The following NRXN1 variants were observed in gnomAD, a reference collection of about 807,000 sequenced individuals.
NRXN1 encodes the protein neurexin 1, also known as neurexin-1.
Under a neutral mutation model 150.9 loss-of-function variants are expected in NRXN1, and 39 were observed. The observed-to-expected ratio is 0.26, with a 90% CI of 0.20 to 0.34. NRXN1 has a LOEUF of 0.34. Among genes scored for constraint, NRXN1 ranks in the 10% least tolerant of loss-of-function variants. The probability of loss-of-function intolerance (pLI) is 1.00; values close to 1 mark genes in which losing one functional copy is unlikely to be tolerated. For missense variants in NRXN1, 1,815 were observed against 1,949.9 expected (o/e 0.93, Z 1.30); for synonymous variants, 924 against 757.0 (o/e 1.22, Z -3.62).
intron 2 of NRXN1, among the ~76,000 whole-genome samples, chr2:51,006,573 A>G (rs1438910558): frequency 1.3e-5 from 2 of 151,820 alleles, no homozygotes; most frequent in African/African-American, 4.8e-5. Flanking sequence ...AAGACCTACC[A>G]TTTGAGCAAC....
chr2:50,285,390 C>A (rs2072009580), intron 17 of NRXN1, among the ~76,000 whole-genome samples: 1 of 152,152 alleles, frequency 6.6e-6, no homozygotes, highest in Non-Finnish European at 1.5e-5. Context: ...GACAGGAGGC[C>A]ATTCCATAGC....
intron 21 of NRXN1, among the ~76,000 whole-genome samples, chr2:49,976,922 A>T (rs1019213232): frequency 2.0e-5 from 3 of 152,230 alleles, no homozygotes; most frequent in African/African-American, 7.2e-5. Context: ...CAATTAGCAA[A>T]AAGTGGCCAA....
intron 5 of NRXN1, among the ~76,000 whole-genome samples, chr2:50,690,017 G>C (rs938017750): frequency 1.3e-5 from 2 of 151,970 alleles, no homozygotes; most frequent in Non-Finnish European, 2.9e-5. Context: ...CCTGGGAGTA[G>C]GTGGGATTAC....
intron 2 of NRXN1, among the ~76,000 whole-genome samples, chr2:50,960,307 ATCCC>A (rs374864367): frequency 2.0e-5 from 3 of 150,598 alleles, no homozygotes; most frequent in Admixed American, 6.6e-5. Flanking sequence ...TTCTCTCCTC[ATCCC>A]TCCCTCCCTC....
intron 17 of NRXN1, among the ~76,000 whole-genome samples, chr2:50,264,223 A>C (rs1262846794): frequency 6.6e-6 from 1 of 152,118 alleles, no homozygotes; most frequent in African/African-American, 2.4e-5. Flanking sequence ...ACAGTGAAAC[A>C]GCTCTCTACT....
intron 21 of NRXN1, among the ~76,000 whole-genome samples, chr2:50,046,847 G>A (rs1374632865): frequency 6.6e-6 from 1 of 152,132 alleles, no homozygotes; most frequent in Non-Finnish European, 1.5e-5. Flanking sequence ...ATCTGATCAT[G>A]TTAGGTGTCC....
chr2:50,906,948 G>A (rs1574894124), intron 5 of NRXN1, among the ~76,000 whole-genome samples: 1 of 151,896 alleles, frequency 6.6e-6, no homozygotes, highest in South Asian at 2.1e-4. Context: ...CAGAAACAAG[G>A]TCTCTGACCT....
chr2:50,410,342 G>C (rs1331560675), intron 17 of NRXN1, among the ~76,000 whole-genome samples: 1 of 152,044 alleles, frequency 6.6e-6, no homozygotes, highest in Non-Finnish European at 1.5e-5. Flanking sequence ...TATTGTTTTT[G>C]TTTTCTAAAA....
At chr2:50,068,075 T>C (rs1031263527) in intron 19 of NRXN1, among the ~76,000 whole-genome samples, 40 of 152,346 alleles carry the variant, frequency 2.6e-4, no homozygotes, top group African/African-American at 9.6e-4. Flanking sequence ...AGTTCCCTAT[T>C]CTCAAGTGGA....
chr2:50,315,564 C>T (rs554243516), intron 17 of NRXN1, among the ~76,000 whole-genome samples: 4 of 152,096 alleles, frequency 2.6e-5, no homozygotes, highest in African/African-American at 9.7e-5. Context: ...CCAGCCCACA[C>T]GGTGATCCAA....
At chr2:51,020,070 A>G (rs1460127462) in intron 2 of NRXN1, among the ~76,000 whole-genome samples, 3 of 150,728 alleles carry the variant, frequency 2.0e-5, no homozygotes, top group Non-Finnish European at 4.4e-5. Context: ...TTTTTTTTTT[A>G]AGTTGAGGGA....
Position 50,617,782 on chromosome 2 carries a change from A to G in NRXN1, c.1320+2240T>C, listed in dbSNP as rs143456004. The stretch of plus-strand genomic sequence containing the variant: ...TTTTCTGGTTAAAAGGCCAATATAA[A>G]AAAAAATGAATACTAAGGTAAGGAA... On this transcript the variant is annotated intron_variant, in intron 8 of 22. Coordinates refer to ENST00000401669, the MANE Select transcript of NRXN1 (RefSeq NM_001330078.2). 5.4e-3 allele frequency among the ~76,000 whole-genome samples: 830 copies of G among 152,304 alleles called. 6 individuals carry two copies. The highest frequency in any genetic ancestry group is 0.019 in the African/African-American group (810 of 41,574).
intron 18 of NRXN1, among the ~76,000 whole-genome samples, chr2:50,215,202 C>T (rs995208015): frequency 2.0e-5 from 3 of 151,964 alleles, no homozygotes; most frequent in Non-Finnish European, 4.4e-5. Flanking sequence ...TACTCCCATT[C>T]TCCTGATTAA....
At chr2:50,988,695 G>A (rs928108093) in intron 2 of NRXN1, among the ~76,000 whole-genome samples, 1 of 152,040 alleles carries the variant, frequency 6.6e-6, no homozygotes, top group East Asian at 1.9e-4. Flanking sequence ...ATAACTCATT[G>A]ATATAGCAGA....
chr2:50,112,719 G>C lies in NRXN1; in HGVS notation c.3547-21225C>G, dbSNP rs1454632049. On this transcript the variant is annotated intron_variant, in intron 18 of 22. Coordinates refer to ENST00000401669, the MANE Select transcript of NRXN1 (RefSeq NM_001330078.2). ...CCAGGCCCATGTGGGGCAAGCCACT[G>C]TTTCCTTTACTAAAATGCAGCATAA... 3.3e-5 allele frequency among the ~76,000 whole-genome samples: 5 copies of C among 152,196 alleles called. No individual in the cohort carries two copies. The South Asian group carries it at 1.0e-3, about 32-fold the overall frequency.
At chr2:50,912,377 T>G (rs527360771) in intron 5 of NRXN1, 22 of 152,106 alleles carry the variant, frequency 1.4e-4, no homozygotes, top group Non-Finnish European at 2.8e-4. Context: ...GAGGGTTACA[T>G]ATTGCATGTG....
intron 17 of NRXN1, among the ~76,000 whole-genome samples, chr2:50,275,592 G>T (rs565348898): frequency 6.6e-6 from 1 of 151,894 alleles, no homozygotes; most frequent in Admixed American, 6.6e-5. Context: ...CGAAGATTTG[G>T]CTTCCCCACA....
chr2:51,004,428 T>C (rs72874566), intron 2 of NRXN1, among the ~76,000 whole-genome samples: 4,054 of 152,110 alleles, frequency 0.027, 211 homozygotes, highest in African/African-American at 0.092. Context: ...CTAGCTGAAA[T>C]TTTATTACAC....
At chr2:50,341,928 A>G (rs1250134409) in intron 17 of NRXN1, among the ~76,000 whole-genome samples, 3 of 152,194 alleles carry the variant, frequency 2.0e-5, no homozygotes, top group Admixed American at 6.5e-5. Flanking sequence ...CTTGGAAACT[A>G]TGTATTTTTA....
Sources: gnomAD v4.1 joint callset for allele counts (sites outside exome capture counted in the v4.1 genomes callset) on GRCh38, gnomAD v4.1.1 for gene constraint, MANE v1.5 for transcripts, NCBI Gene and HGNC (gene_info 2026-07-23, HGNC 2026-07-21) for gene names.